SORCS1: variants seen among roughly 807,000 people sequenced by gnomAD.
The protein encoded by SORCS1 is sortilin related VPS10 domain containing receptor 1.
SORCS1 carries 60 observed loss-of-function variants against 146.1 expected under a neutral mutation model. That is an observed-to-expected ratio of 0.41 (90% confidence interval 0.33 to 0.51). The LOEUF is 0.51. SORCS1 is among the 20% of genes least tolerant of loss of function. SORCS1 has a pLI of 0.21. For synonymous variants in SORCS1, 637 were observed against 584.0 expected (o/e 1.09, Z -1.31); for missense variants, 1,352 against 1,487.6 (o/e 0.91, Z 1.50).
At chr10:106,598,252 T>TATTATC in intron 23 of SORCS1, among the ~76,000 whole-genome samples, 1 of 146,502 alleles carries the variant, frequency 6.8e-6, no homozygotes, top group East Asian at 2.1e-4. Flanking sequence ...TTATTATTAT[T>TATTATC]ATTATTATTA....
At chr10:106,803,925 CAT>C (rs1216120905) in intron 3 of SORCS1, among the ~76,000 whole-genome samples, 1 of 152,126 alleles carries the variant, frequency 6.6e-6, no homozygotes, top group African/African-American at 2.4e-5. Context: ...ACAGATGACT[CAT>C]GTGAACAAAA....
chr10:107,145,592 T>A (rs1968257637), intron 1 of SORCS1, among the ~76,000 whole-genome samples: 1 of 152,160 alleles, frequency 6.6e-6, no homozygotes, highest in African/African-American at 2.4e-5. Context: ...TGAGCATAAA[T>A]AAAATTTAAG....
rs115719058 is a variant in SORCS1, at chr10:106,609,949, A to G, written c.3033+1962T>C. Among the ~76,000 whole-genome samples, 1,497 of 152,328 alleles carry G rather than the reference A, an allele frequency of 9.8e-3. 15 individuals carry two copies. Among genetic ancestry groups the G allele is most frequent in the African/African-American group, 0.025 (1,041 of 41,562 alleles). On this transcript the variant is annotated intron_variant, in intron 22 of 25. Transcript: ENST00000263054. ...GAATGCTGCAGATGAGAAGAGATGG[A>G]CAGTGGGTTCGTTAAAGAGCATAAG...
intron 3 of SORCS1, among the ~76,000 whole-genome samples, chr10:106,799,174 C>T (rs1484201370): frequency 6.6e-6 from 1 of 152,142 alleles, no homozygotes; most frequent in Non-Finnish European, 1.5e-5. Flanking sequence ...ACTGGCTAGC[C>T]ATATGTAGAA....
intron 1 of SORCS1, among the ~76,000 whole-genome samples, chr10:107,053,032 A>G (rs1249045725): frequency 6.6e-6 from 1 of 152,178 alleles, no homozygotes; most frequent in East Asian, 1.9e-4. Flanking sequence ...ATATGGCAAA[A>G]CCATGAGTCA....
chr10:107,107,575 T>C (rs193046607), intron 1 of SORCS1, among the ~76,000 whole-genome samples: 38 of 152,272 alleles, frequency 2.5e-4, no homozygotes, highest in Non-Finnish European at 4.4e-4. Context: ...ATCAGCAAAA[T>C]AGTGGAATAA....
chr10:106,750,070 A>C (rs755876209), intron 5 of SORCS1, among the ~76,000 whole-genome samples: 15 of 152,206 alleles, frequency 9.9e-5, no homozygotes, highest in Admixed American at 2.6e-4. Context: ...GCAAACTTAG[A>C]GGCCCTTAAT....
intron 17 of SORCS1, among the ~76,000 whole-genome samples, chr10:106,664,474 C>A (rs1014193734): frequency 6.6e-6 from 1 of 152,052 alleles, no homozygotes; most frequent in South Asian, 2.1e-4. Context: ...AACCCCATCT[C>A]TAGTAAAAAT....
intron 1 of SORCS1, among the ~76,000 whole-genome samples, chr10:107,147,588 C>T (rs1006992297): frequency 6.6e-6 from 1 of 152,122 alleles, no homozygotes; most frequent in African/African-American, 2.4e-5. Context: ...TTGGATGAGA[C>T]AACTCAGACA....
chr10:106,630,099 A>G (rs1284372560), intron 18 of SORCS1, among the ~76,000 whole-genome samples: 4 of 152,090 alleles, frequency 2.6e-5, no homozygotes, highest in Admixed American at 2.0e-4. Context: ...CCTGACTGAC[A>G]TGGTAATGGA....
intron 1 of SORCS1, among the ~76,000 whole-genome samples, chr10:107,054,223 C>A (rs1025509214): frequency 6.6e-6 from 1 of 152,118 alleles, no homozygotes; most frequent in Non-Finnish European, 1.5e-5. Flanking sequence ...AGAGGTGATG[C>A]AAGTGAAAAT....
At chr10:106,958,490 A>T (rs189063144) in intron 1 of SORCS1, among the ~76,000 whole-genome samples, 1 of 152,336 alleles carries the variant, frequency 6.6e-6, no homozygotes, top group East Asian at 1.9e-4. Flanking sequence ...ATCAGTGAAC[A>T]CATTCTTAAC....
rs1008835136 is a variant in SORCS1 at position 106,715,994 on chromosome 10, G to A, written c.1025-6653C>T. Reference sequence around the variant, plus strand: ...TCTCGAACTCCTGACCTCGTGATTCGTCTGCCTCAGCCTCCCAAAGTGCTG... The same window carrying A: ...TCTCGAACTCCTGACCTCGTGATTCATCTGCCTCAGCCTCCCAAAGTGCTG... On this transcript the variant is annotated intron_variant, in intron 6 of 25. Transcript: ENST00000263054. Among the ~76,000 whole-genome samples the A allele has an allele frequency of 4.6e-5, 7 of 152,088 alleles. No individual in the cohort carries two copies. In the East Asian group the frequency reaches 5.8e-4, roughly 13 times the overall value.
intron 5 of SORCS1, among the ~76,000 whole-genome samples, chr10:106,741,637 T>G (rs572063310): frequency 6.8e-6 from 1 of 147,516 alleles, no homozygotes; most frequent in Non-Finnish European, 1.5e-5. Context: ...AGAGAGAGAG[T>G]GAGAGAGAGA....
chr10:106,975,973 C>T (rs1955977586), intron 1 of SORCS1, among the ~76,000 whole-genome samples: 1 of 152,050 alleles, frequency 6.6e-6, no homozygotes, highest in Non-Finnish European at 1.5e-5. Flanking sequence ...CGTGGTGAAA[C>T]TCCGTCTCTA....
chr10:106,870,871 C>T (rs1589599309), intron 2 of SORCS1, among the ~76,000 whole-genome samples: 1 of 151,610 alleles, frequency 6.6e-6, no homozygotes, highest in Non-Finnish European at 1.5e-5. Context: ...TTCTTCACAG[C>T]AAAAAAGAAA....
intron 2 of SORCS1, among the ~76,000 whole-genome samples, chr10:106,936,807 T>A (rs1290211674): frequency 6.6e-6 from 1 of 152,224 alleles, no homozygotes; most frequent in Non-Finnish European, 1.5e-5. Flanking sequence ...TCTAAGGGGA[T>A]AATGGAAAAC....
At chr10:106,706,706 G>A in intron 7 of SORCS1, 72 bp from the exon 8 acceptor site, 2 of 1,393,468 alleles carry the variant, frequency 1.4e-6, no homozygotes, top group Non-Finnish European at 1.0e-6. Context: ...ACAGTCACCT[G>A]AATGGAAGGA....
At chr10:106,600,562 T>C (rs1846178256) in intron 23 of SORCS1, 2 of 985,392 alleles carry the variant, frequency 2.0e-6, no homozygotes, top group Non-Finnish European at 2.4e-6. Context: ...GTGTTTATCC[T>C]GTATTTTTTC....
Sources: allele counts gnomAD v4.1 joint callset (sites outside exome capture counted in the v4.1 genomes callset), GRCh38; gene constraint gnomAD v4.1.1; transcripts MANE v1.5; gene names NCBI Gene and HGNC (gene_info 2026-07-23, HGNC 2026-07-21).